The following SH2D4B variants were observed in gnomAD, a reference collection of about 807,000 sequenced individuals.
SH2D4B encodes SH2 domain-containing protein 4B.
SH2D4B carries 45 observed loss-of-function variants against 61.5 expected under a neutral mutation model. That is an observed-to-expected ratio of 0.73 (90% CI 0.58 to 0.94). The LOEUF (loss-of-function observed/expected upper bound fraction) is 0.94, where lower values mean the gene tolerates loss of function less well. SH2D4B is among the 40% of genes least tolerant of loss of function. The pLI, the probability that SH2D4B is intolerant of heterozygous loss-of-function variation, is 0.00. For missense variants in SH2D4B, 572 were observed against 574.2 expected, an observed-to-expected ratio of 1.00 and a Z score of 0.04; for synonymous variants, 224 against 220.4, an observed-to-expected ratio of 1.02 and a Z score of -0.14.
At chr10:80,621,084 T>A (rs1209486040) in intron 6 of SH2D4B, among the ~76,000 whole-genome samples, 3 of 152,224 alleles carry the variant, frequency 2.0e-5, no homozygotes, top group Non-Finnish European at 4.4e-5. Flanking sequence ...TTTTATTCAG[T>A]TGTCAACGTT....
chr10:80,638,753 A>AT (rs1254599511), intron 7 of SH2D4B, among the ~76,000 whole-genome samples: 2 of 152,144 alleles, frequency 1.3e-5, no homozygotes, highest in South Asian at 4.2e-4. Context: ...GGATTCATTG[A>AT]TTTTTTGAAG....
intron 1 of SH2D4B, among the ~76,000 whole-genome samples, chr10:80,564,003 C>T (rs1444860737): frequency 2.0e-5 from 3 of 152,196 alleles, no homozygotes; most frequent in African/African-American, 7.2e-5. Context: ...GCTAAGCCCT[C>T]TATAGATGTT....
chr10:80,600,553 G>GTGTGTGTGTGT (rs10677995), intron 4 of SH2D4B, among the ~76,000 whole-genome samples: 6 of 150,902 alleles, frequency 4.0e-5, no homozygotes, highest in African/African-American at 9.8e-5. Context: ...GTGTGTGTGT[G>GTGTGTGTGTGT]CTGGGGAAGG....
chr10:80,611,694 G>A (rs1467876253), intron 6 of SH2D4B, among the ~76,000 whole-genome samples: 1 of 152,236 alleles, frequency 6.6e-6, no homozygotes, highest in African/African-American at 2.4e-5. Context: ...AGAGTGGGCA[G>A]CTGTGCCGGG....
chr10:80,597,170 G>A (rs1427158769), intron 4 of SH2D4B, among the ~76,000 whole-genome samples: 2 of 152,096 alleles, frequency 1.3e-5, no homozygotes, highest in Non-Finnish European at 2.9e-5. Flanking sequence ...GTATTCATGA[G>A]AGATGGGGAG....
intron 1 of SH2D4B, among the ~76,000 whole-genome samples, chr10:80,555,651 G>A (rs938450499): frequency 1.3e-5 from 2 of 152,158 alleles, no homozygotes; most frequent in Non-Finnish European, 2.9e-5. Flanking sequence ...AATGTCGTGG[G>A]GAAATTGCTA....
chr10:80,603,299 C>T (rs71483312), intron 4 of SH2D4B, among the ~76,000 whole-genome samples: 2 of 152,128 alleles, frequency 1.3e-5, no homozygotes, highest in Non-Finnish European at 1.5e-5. Context: ...CCAGACAACC[C>T]TAAACCGTCA....
intron 1 of SH2D4B, among the ~76,000 whole-genome samples, chr10:80,542,348 T>G (rs1348942185): frequency 2.0e-5 from 3 of 151,088 alleles, no homozygotes; most frequent in Non-Finnish European, 4.4e-5. Flanking sequence ...AGGACACATG[T>G]CCACACTACT....
At chr10:80,556,042 C>T (rs1479100805) in intron 1 of SH2D4B, among the ~76,000 whole-genome samples, 2 of 152,064 alleles carry the variant, frequency 1.3e-5, no homozygotes, top group Non-Finnish European at 2.9e-5. Context: ...TTTTTATTTG[C>T]AGGGAAATCT....
chr10:80,612,406 G>A (rs773549259), intron 6 of SH2D4B, among the ~76,000 whole-genome samples: 9 of 151,980 alleles, frequency 5.9e-5, no homozygotes, highest in East Asian at 3.9e-4. Flanking sequence ...TTGGTTGGGC[G>A]TCTCAGCTGG....
intron 1 of SH2D4B, among the ~76,000 whole-genome samples, chr10:80,541,456 TGCTGTAGCCCTGCTGA>T (rs1841577811): frequency 2.0e-5 from 3 of 152,342 alleles, no homozygotes; most frequent in Admixed American, 2.0e-4. Flanking sequence ...AGGAAGCACC[TGCTGTAGCCCTGCTGA>T]GCTGTTTGCT....
chr10:80,572,586 C>CCTTG (rs1258156034), intron 3 of SH2D4B, among the ~76,000 whole-genome samples: 4 of 151,812 alleles, frequency 2.6e-5, no homozygotes, highest in Non-Finnish European at 4.4e-5. Flanking sequence ...AGGACATTGG[C>CCTTG]CTTGCCTTGC....
At chr10:80,571,316 C>A in intron 2 of SH2D4B, 115 bp from the exon 3 acceptor site, 1 of 1,235,802 alleles carries the variant, frequency 8.1e-7, no homozygotes, top group Non-Finnish European at 1.1e-6. Context: ...TCTTTGCCAA[C>A]ACCGAATTCT....
intron 6 of SH2D4B, among the ~76,000 whole-genome samples, chr10:80,633,103 G>T (rs992106601): frequency 6.6e-6 from 1 of 151,888 alleles, no homozygotes; most frequent in African/African-American, 2.4e-5. Context: ...GAGAGTGATG[G>T]GAGGGGAGCC....
intron 5 of SH2D4B, among the ~76,000 whole-genome samples, chr10:80,605,163 C>CT (rs1251857915): frequency 7.6e-6 from 1 of 131,966 alleles, no homozygotes; most frequent in East Asian, 3.1e-4. Context: ...CTTATTCCTC[C>CT]TCTTTTTTTT....
At chr10:80,635,460 TC>T (rs931710201) in intron 7 of SH2D4B, among the ~76,000 whole-genome samples, 9 of 152,164 alleles carry the variant, frequency 5.9e-5, no homozygotes, top group African/African-American at 2.2e-4. Context: ...TAATAGGGAC[TC>T]TTAGGTTTGT....
At position 80,626,275 on chromosome 10, in the gene SH2D4B, A is replaced by G. The variant is rs534466989; in HGVS notation, c.989-8010A>G. ...CTTGAAAGGTAGTTTCGTTAAACAC[A>G]GTTATTTTTCTCTCAGCATACTTGA... is the stretch of plus-strand genomic sequence containing the variant. On this transcript the variant is annotated intron_variant, in intron 6 of 7. Transcript: ENST00000646907. Among the ~76,000 whole-genome samples the G allele has an allele frequency of 5.3e-5, 8 of 152,110 alleles. No individual in the cohort carries two copies. In the South Asian group the frequency reaches 1.4e-3, roughly 28 times the overall value.
intron 7 of SH2D4B, among the ~76,000 whole-genome samples, chr10:80,643,385 A>G (rs1224610483): frequency 2.0e-5 from 3 of 151,640 alleles, no homozygotes; most frequent in African/African-American, 4.8e-5. Context: ...AATCATTTCT[A>G]TTGTTGAGTT....
At chr10:80,607,467 CAG>C (rs1020133117) in intron 5 of SH2D4B, 4 of 152,288 alleles carry the variant, frequency 2.6e-5, no homozygotes, top group African/African-American at 4.8e-5. Context: ...AGTGGGAAGA[CAG>C]GGGCTGGAGG....
Sources: gnomAD v4.1 joint callset for allele counts (sites outside exome capture counted in the v4.1 genomes callset) on GRCh38, gnomAD v4.1.1 for gene constraint, MANE v1.5 for transcripts, NCBI Gene and HGNC (gene_info 2026-07-23, HGNC 2026-07-21) for gene names.